Variants in DMD observed in about 807,000 individuals in gnomAD.
DMD encodes dystrophin, also known as mutant dystrophin.
Under a neutral mutation model 330.1 loss-of-function variants are expected in DMD, and 63 were observed. The observed-to-expected ratio is 0.19, with a 90% CI of 0.16 to 0.24. The LOEUF (loss-of-function observed/expected upper bound fraction) is 0.24, where lower values mean the gene tolerates loss of function less well. DMD is among the 10% of genes least tolerant of loss of function. DMD has a pLI of 1.00. For missense variants in DMD, 3,344 were observed against 2,684.1 expected, an observed-to-expected ratio of 1.25 and a Z score of -5.43; for synonymous variants, 1,223 against 959.8, an observed-to-expected ratio of 1.27 and a Z score of -5.07.
At chrX:31,911,523 CTT>C in intron 47 of DMD, among the ~76,000 whole-genome samples, 1 of 106,867 alleles carries the variant, frequency 9.4e-6, no homozygotes, top group Non-Finnish European at 1.9e-5. Context: ...TTGCTAATGA[CTT>C]ATTACTTGCT....
chrX:33,010,299 T>C lies in DMD; in HGVS notation c.93+9840A>G, dbSNP rs757585336. Among the ~76,000 whole-genome samples the C allele has an allele frequency of 7.2e-5, 7 of 97,818 alleles. No homozygotes were observed. In the South Asian group the frequency reaches 3.2e-3, roughly 44 times the overall value. 84.9% of individuals were successfully genotyped at this position (97,818 alleles called of 115,157 possible). On this transcript the variant is annotated intron_variant, in intron 2 of 78. Transcript: ENST00000357033. ...ATGTACATATATGTGTGTAAATATGTATATATGTACATATATGTGTATAAA... is the reference window on the plus strand; with the variant it reads ...ATGTACATATATGTGTGTAAATATGCATATATGTACATATATGTGTATAAA...
intron 1 of DMD, among the ~76,000 whole-genome samples, chrX:33,308,826 C>T (rs2053803064): frequency 1.8e-5 from 2 of 111,666 alleles, no homozygotes; most frequent in South Asian, 7.5e-4. Context: ...AGCTTAGTCT[C>T]ACAGCAAGGA....
chrX:32,290,833 G>A (rs1335567380), intron 42 of DMD, among the ~76,000 whole-genome samples: 7 of 112,055 alleles, frequency 6.2e-5, no homozygotes, highest in Non-Finnish European at 9.4e-5. Context: ...TCCAAGTATA[G>A]AAGCCTTAGC....
At chrX:33,271,066 T>G (rs1434520173) in intron 1 of DMD, among the ~76,000 whole-genome samples, 2 of 111,840 alleles carry the variant, frequency 1.8e-5, no homozygotes, top group African/African-American at 3.2e-5. Flanking sequence ...CTCGAAGATC[T>G]TAAAATTAGC....
At chrX:32,109,870 T>C (rs1442357945) in intron 44 of DMD, among the ~76,000 whole-genome samples, 1 of 111,855 alleles carries the variant, frequency 8.9e-6, no homozygotes, top group Non-Finnish European at 1.9e-5. Context: ...CTTAAACATT[T>C]CTTAAAATAT....
At chrX:33,159,324 T>C (rs997358144) in intron 1 of DMD, 2 of 111,271 alleles carry the variant, frequency 1.8e-5, no homozygotes, top group Non-Finnish European at 3.8e-5. Context: ...CTGGGATACA[T>C]GTGCAGAACA....
At chrX:32,511,898 C>T (rs192494314) in intron 18 of DMD, among the ~76,000 whole-genome samples, 2 of 111,345 alleles carry the variant, frequency 1.8e-5, no homozygotes, top group East Asian at 5.6e-4. Context: ...TGTTTAGAAG[C>T]CACTACTCGG....
At chrX:31,371,563 C>T (rs2059571326) in intron 60 of DMD, among the ~76,000 whole-genome samples, 1 of 110,582 alleles carries the variant, frequency 9.0e-6, no homozygotes, top group Non-Finnish European at 1.9e-5. Flanking sequence ...GTGAAAGGCT[C>T]GTTTCTGGGT....
At chrX:32,460,134 C>A (rs1489928024) in intron 25 of DMD, among the ~76,000 whole-genome samples, 1 of 110,716 alleles carries the variant, frequency 9.0e-6, no homozygotes, top group Non-Finnish European at 1.9e-5. Context: ...AATTCCACAT[C>A]GGTAATCATC....
chrX:32,697,388 C>T (rs953257578), intron 9 of DMD, among the ~76,000 whole-genome samples: 1 of 111,656 alleles, frequency 9.0e-6, no homozygotes, highest in East Asian at 2.8e-4. Flanking sequence ...TATGAAGAAG[C>T]TTGCAGTTAT....
At chrX:31,292,281 TAA>T (rs763862377) in intron 62 of DMD, among the ~76,000 whole-genome samples, 1 of 109,842 alleles carries the variant, frequency 9.1e-6, no homozygotes, top group Non-Finnish European at 1.9e-5. Flanking sequence ...GATGAATCAA[TAA>T]AAAAAATAGG....
At chrX:31,348,439 A>T (rs2058218884) in intron 61 of DMD, 117 bp downstream of exon 61, 1 of 679,969 alleles carries the variant, frequency 1.5e-6, no homozygotes, top group Non-Finnish European at 2.3e-6. Flanking sequence ...TTATGCTTCT[A>T]CTGCATCTGA....
chrX:32,942,244 G>A (rs2146827611), intron 2 of DMD, among the ~76,000 whole-genome samples: 1 of 112,354 alleles, frequency 8.9e-6, no homozygotes, highest in South Asian at 3.7e-4. Flanking sequence ...CTGAGTGTAA[G>A]AAAAGATAAT....
chrX:31,525,511 G>A (rs1017359076), intron 55 of DMD, among the ~76,000 whole-genome samples: 1 of 111,533 alleles, frequency 9.0e-6, no homozygotes, highest in African/African-American at 3.2e-5. Context: ...TTAAATGTAC[G>A]GAATTAAACT....
chrX:31,548,436 G>A (rs944430972), intron 55 of DMD, among the ~76,000 whole-genome samples: 9 of 111,307 alleles, frequency 8.1e-5, no homozygotes, highest in Non-Finnish European at 1.5e-4. Flanking sequence ...TGAAAATGTT[G>A]TTATAAAGGA....
chrX:32,442,860 T>A (rs1355280907), intron 27 of DMD, among the ~76,000 whole-genome samples: 1 of 110,792 alleles, frequency 9.0e-6, no homozygotes, highest in Non-Finnish European at 1.9e-5. Flanking sequence ...GACACAAATA[T>A]GTTGGGTGAA....
intron 55 of DMD, among the ~76,000 whole-genome samples, chrX:31,518,708 C>T (rs988581264): frequency 9.0e-6 from 1 of 110,815 alleles, no homozygotes; most frequent in African/African-American, 3.3e-5. Context: ...CTAATACTTA[C>T]AGCCCTTATA....
chrX:32,399,546 A>G (rs1245322759), intron 30 of DMD, among the ~76,000 whole-genome samples: 1 of 111,488 alleles, frequency 9.0e-6, no homozygotes, highest in Non-Finnish European at 1.9e-5. Context: ...ATCTCACTTC[A>G]ACTCAAATGG....
chrX:31,532,109 C>T (rs961022619), intron 55 of DMD, among the ~76,000 whole-genome samples: 7 of 92,536 alleles, frequency 7.6e-5, no homozygotes, highest in Admixed American at 1.4e-4. Flanking sequence ...GGCAGGCCAA[C>T]GTTCAGATTC....
Sources: allele counts gnomAD v4.1 joint callset (sites outside exome capture counted in the v4.1 genomes callset), GRCh38; gene constraint gnomAD v4.1.1; transcripts MANE v1.5; gene names NCBI Gene and HGNC (gene_info 2026-07-23, HGNC 2026-07-21).